ADGRL2: variants seen among roughly 807,000 people sequenced by gnomAD.
ADGRL2 encodes the protein adhesion G protein-coupled receptor L2, also known as calcium-independent alpha-latrotoxin receptor 2.
In ADGRL2, 44 loss-of-function variants were observed where a neutral mutation model predicts 157.4. That is an observed-to-expected ratio of 0.28 (90% CI 0.22 to 0.36). The LOEUF (loss-of-function observed/expected upper bound fraction) is 0.36. Ranked by LOEUF, ADGRL2 falls within the 10% of genes least tolerant of loss-of-function variation. The probability of loss-of-function intolerance (pLI) is 1.00; values close to 1 mark genes in which losing one functional copy is unlikely to be tolerated. For synonymous variants in ADGRL2, 585 were observed against 624.7 expected (o/e 0.94, Z 0.95); for missense variants, 1,510 against 1,768.9 (o/e 0.85, Z 2.63).
intron 1 of ADGRL2, among the ~76,000 whole-genome samples, chr1:81,360,050 C>T (rs1342232040): frequency 6.6e-6 from 1 of 151,970 alleles, no homozygotes; most frequent in Admixed American, 6.6e-5. Flanking sequence ...TAAAATGCTC[C>T]AATTACTTCC....
intron 1 of ADGRL2, among the ~76,000 whole-genome samples, chr1:81,398,161 T>C (rs1167502375): frequency 6.6e-6 from 1 of 152,198 alleles, no homozygotes; most frequent in Non-Finnish European, 1.5e-5. Context: ...TTGCATGGAA[T>C]ATCTTTTTCC....
intron 1 of ADGRL2, among the ~76,000 whole-genome samples, chr1:81,701,894 T>G (rs552084150): frequency 6.6e-6 from 1 of 152,196 alleles, no homozygotes; most frequent in Non-Finnish European, 1.5e-5. Context: ...CCCTGGGACA[T>G]AGATGTTTTT....
In ADGRL2 at chr1:81,752,162, C is replaced by T. The variant is rs576494271; in HGVS notation, c.-142-9649C>T. ...TAGTGGCCTTATAAAGAGAGAGATC[C>T]CACGCCCCTTCCACCATGTGGCATT... On this transcript the variant is annotated intron_variant, in intron 1 of 20. Transcript: ENST00000359929. 3.3e-5 allele frequency among the ~76,000 whole-genome samples: 5 copies of T among 152,206 alleles called. No individual in the cohort carries two copies. The South Asian group carries it at 1.0e-3, about 32-fold the overall frequency.
intron 3 of ADGRL2, among the ~76,000 whole-genome samples, chr1:81,917,340 A>C (rs998189545): frequency 6.6e-6 from 1 of 152,150 alleles, no homozygotes; most frequent in African/African-American, 2.4e-5. Flanking sequence ...TTTTACTAAT[A>C]CATATTTTTG....
intron 14 of ADGRL2, among the ~76,000 whole-genome samples, chr1:81,968,715 G>A (rs1374958116): frequency 6.6e-6 from 1 of 152,220 alleles, no homozygotes; most frequent in Non-Finnish European, 1.5e-5. Flanking sequence ...TAGCATTTCC[G>A]TCTCAGATCC....
chr1:81,328,804 C>G (rs756739886), intron 1 of ADGRL2, among the ~76,000 whole-genome samples: 11 of 152,168 alleles, frequency 7.2e-5, no homozygotes, highest in Non-Finnish European at 1.5e-4. Flanking sequence ...CTTCCTCCTA[C>G]ACACAGAAAA....
In ADGRL2 at chr1:81,819,527, C is replaced by T. The variant is rs116229533; in HGVS notation, c.-100-17358C>T. Among the ~76,000 whole-genome samples the T allele has an allele frequency of 4.9e-3, 747 of 152,116 alleles. 4 individuals are homozygous for T. The highest frequency in any genetic ancestry group is 0.017 in the African/African-American group (707 of 41,538). The stretch of plus-strand genomic sequence containing the variant: ...CCTTTTAAATGTTTTTAAATGTTTT[C>T]GAGTGTATACCTGCATATGTTTTTA... On this transcript the variant is annotated intron_variant, in intron 1 of 23. Transcript: ENST00000686636.
At chr1:81,938,296 G>T (rs412215) in intron 4 of ADGRL2, among the ~76,000 whole-genome samples, 7,430 of 151,752 alleles carry the variant, frequency 0.049, 516 homozygotes, top group African/African-American at 0.15. Flanking sequence ...AAGAAATACA[G>T]CATCCATTCC....
At chr1:81,949,508 T>G (rs961258937) in intron 6 of ADGRL2, among the ~76,000 whole-genome samples, 2 of 152,224 alleles carry the variant, frequency 1.3e-5, no homozygotes, top group African/African-American at 2.4e-5. Flanking sequence ...TGCTTTATCT[T>G]GGTAAGAGAT....
At chr1:81,733,198 G>A (rs947625689) in intron 1 of ADGRL2, among the ~76,000 whole-genome samples, 3 of 152,212 alleles carry the variant, frequency 2.0e-5, no homozygotes, top group Non-Finnish European at 4.4e-5. Context: ...ATTGTGAAGA[G>A]TCAGCTTCAA....
intron 1 of ADGRL2, among the ~76,000 whole-genome samples, chr1:81,829,604 T>C (rs1240415199): frequency 6.6e-6 from 1 of 152,186 alleles, no homozygotes; most frequent in Non-Finnish European, 1.5e-5. Flanking sequence ...TATAATAATC[T>C]ATAAGTAGAT....
chr1:81,502,510 C>T (rs927915593), intron 2 of ADGRL2: 5 of 1,614,028 alleles, frequency 3.1e-6, no homozygotes, highest in South Asian at 1.1e-5. Flanking sequence ...CCATCATGGC[C>T]AAACAGATCC....
At chr1:81,382,329 CATTATT>C (rs1306153295) in intron 1 of ADGRL2, among the ~76,000 whole-genome samples, 1 of 151,910 alleles carries the variant, frequency 6.6e-6, no homozygotes, top group East Asian at 1.9e-4. Context: ...TTCAGTATTC[CATTATT>C]ATTGAGACTA....
intron 3 of ADGRL2, among the ~76,000 whole-genome samples, chr1:81,604,138 T>A (rs901009364): frequency 2.6e-5 from 4 of 152,040 alleles, no homozygotes; most frequent in Non-Finnish European, 4.4e-5. Context: ...TAATTTTTTT[T>A]AATTTTGGTA....
intron 3 of ADGRL2, among the ~76,000 whole-genome samples, chr1:81,908,278 C>G (rs1034486526): frequency 6.6e-6 from 1 of 152,198 alleles, no homozygotes; most frequent in Non-Finnish European, 1.5e-5. Context: ...TGATGCATAA[C>G]TAGTTTCACT....
At chr1:81,308,383 G>A (rs11163245) in intron 1 of ADGRL2, among the ~76,000 whole-genome samples, 63,229 of 151,930 alleles carry the variant, frequency 0.42, 14,054 homozygotes, top group Middle Eastern at 0.51. Context: ...TATTTAAAAC[G>A]AGTTTGAGAA....
At chr1:81,738,724 C>T (rs930841166) in intron 1 of ADGRL2, among the ~76,000 whole-genome samples, 1 of 152,196 alleles carries the variant, frequency 6.6e-6, no homozygotes, top group Non-Finnish European at 1.5e-5. Flanking sequence ...TTCCTACCCC[C>T]GTTTTCCAGA....
intron 1 of ADGRL2, among the ~76,000 whole-genome samples, chr1:81,329,222 G>T (rs573157203): frequency 6.6e-6 from 1 of 152,176 alleles, no homozygotes; most frequent in Non-Finnish European, 1.5e-5. Flanking sequence ...CCAAACAATA[G>T]GAAGGGCAAG....
rs191658192 is a variant in ADGRL2 at position 81,677,988 on chromosome 1, G to A, written c.-142-83823G>A. 1.3e-5 allele frequency among the ~76,000 whole-genome samples: 2 copies of A among 152,162 alleles called. 1 individual carries two copies. The highest frequency in any genetic ancestry group is 3.9e-4 in the East Asian group (2 of 5,182). On this transcript the variant is annotated intron_variant, in intron 3 of 24. Coordinates refer to the ADGRL2 transcript ENST00000370721. ...TCTCTGAACTTCTATCTTTGCACTTGCTGTTCCCTTTTCCTTTGATGTATT... is the reference window on the plus strand; with the variant it reads ...TCTCTGAACTTCTATCTTTGCACTTACTGTTCCCTTTTCCTTTGATGTATT...
Sources: allele counts gnomAD v4.1 joint callset (sites outside exome capture counted in the v4.1 genomes callset), GRCh38; gene constraint gnomAD v4.1.1; transcripts MANE v1.5; gene names NCBI Gene and HGNC (gene_info 2026-07-23, HGNC 2026-07-21).